Variants in FAT3 observed in about 807,000 individuals in gnomAD.
The protein encoded by FAT3 is FAT atypical cadherin 3.
Under a neutral mutation model 310.2 loss-of-function variants are expected in FAT3, and 95 were observed. That is an observed-to-expected ratio of 0.31 (90% CI 0.26 to 0.36). The LOEUF (loss-of-function observed/expected upper bound fraction) is 0.36, where lower values mean the gene tolerates loss of function less well. FAT3 is among the 10% of genes least tolerant of loss of function. FAT3 has a pLI of 1.00. For missense variants in FAT3, 5,408 were observed against 5,715.6 expected (o/e 0.95, Z 1.74); for synonymous variants, 2,314 against 2,192.9 (o/e 1.06, Z -1.54).
chr11:92,704,344 T>C, intron 4 of FAT3, among the ~76,000 whole-genome samples: 1 of 152,192 alleles, frequency 6.6e-6, no homozygotes, highest in East Asian at 1.9e-4. Context: ...TCTGAGAGGA[T>C]GCTGTGTCCA....
intron 3 of FAT3, among the ~76,000 whole-genome samples, chr11:92,682,579 A>C (rs899210293): frequency 2.0e-5 from 3 of 152,232 alleles, no homozygotes; most frequent in African/African-American, 7.2e-5. Context: ...TTGGGAAGTT[A>C]ATCACAAATA....
chr11:92,493,772 C>T (rs373244043), intron 2 of FAT3, among the ~76,000 whole-genome samples: 12 of 152,008 alleles, frequency 7.9e-5, no homozygotes, highest in Non-Finnish European at 1.3e-4. Context: ...GACTAACAGA[C>T]GTGCTGAAGG....
At chr11:92,674,295 G>A (rs1424680317) in intron 3 of FAT3, among the ~76,000 whole-genome samples, 2 of 151,450 alleles carry the variant, frequency 1.3e-5, no homozygotes, top group African/African-American at 4.8e-5. Context: ...ATGGACCACT[G>A]TGATATTGGT....
chr11:92,337,870 G>A (rs1344586384), intron 1 of FAT3, among the ~76,000 whole-genome samples: 1 of 152,154 alleles, frequency 6.6e-6, no homozygotes, highest in Non-Finnish European at 1.5e-5. Context: ...GCCAAATCAT[G>A]GGCATTGAAA....
At chr11:92,336,111 C>T (rs1345899103) in intron 1 of FAT3, 10 of 522,676 alleles carry the variant, frequency 1.9e-5, no homozygotes, top group Middle Eastern at 3.2e-4. Flanking sequence ...TTTGGCCTCT[C>T]GGTATTTCAC....
At chr11:92,430,600 G>A (rs1419697699) in intron 2 of FAT3, among the ~76,000 whole-genome samples, 1 of 151,884 alleles carries the variant, frequency 6.6e-6, no homozygotes, top group South Asian at 2.1e-4. Context: ...ATGTTGGTGT[G>A]CTGCACCCAT....
At chr11:92,368,360 C>T (rs965710443) in intron 2 of FAT3, among the ~76,000 whole-genome samples, 3 of 152,026 alleles carry the variant, frequency 2.0e-5, no homozygotes, top group Non-Finnish European at 4.4e-5. Context: ...TATCAAGTTT[C>T]TTTTTCATAT....
intron 2 of FAT3, among the ~76,000 whole-genome samples, chr11:92,511,660 C>T (rs1953295015): frequency 6.6e-6 from 1 of 152,080 alleles, no homozygotes; most frequent in Non-Finnish European, 1.5e-5. Context: ...GGATGGCTGG[C>T]TGGGTGACAG....
At chr11:92,367,254 G>A in intron 2 of FAT3, 1 of 263,866 alleles carries the variant, frequency 3.8e-6, no homozygotes, top group Non-Finnish European at 7.6e-6. Context: ...CAGCCATGGT[G>A]GCTGTCTGGG....
intron 6 of FAT3, among the ~76,000 whole-genome samples, chr11:92,772,262 C>A (rs1253009085): frequency 6.6e-6 from 1 of 152,160 alleles, no homozygotes; most frequent in Non-Finnish European, 1.5e-5. Flanking sequence ...TCTCATCTTT[C>A]CTTCCATACA....
intron 4 of FAT3, among the ~76,000 whole-genome samples, chr11:92,705,385 G>GTGGTGGTGGTGA (rs1944248119): frequency 8.1e-6 from 1 of 123,754 alleles, no homozygotes; most frequent in South Asian, 3.1e-4. Context: ...GGTGTTGGTG[G>GTGGTGGTGGTGA]TGGTGGTGGT....
At chr11:92,864,343 G>A (rs190992949) in intron 21 of FAT3, among the ~76,000 whole-genome samples, 21 of 152,232 alleles carry the variant, frequency 1.4e-4, no homozygotes, top group African/African-American at 4.8e-4. Flanking sequence ...AAAAACAGCA[G>A]GTGGACTGTG....
At chr11:92,845,504 G>A (rs1948662808) in intron 19 of FAT3, among the ~76,000 whole-genome samples, 1 of 152,212 alleles carries the variant, frequency 6.6e-6, no homozygotes, top group Non-Finnish European at 1.5e-5. Flanking sequence ...AGAGTGGCAG[G>A]GAAGGAATGG....
chr11:92,255,315 T>G (rs1865273332), intron 1 of FAT3, among the ~76,000 whole-genome samples: 1 of 149,950 alleles, frequency 6.7e-6, no homozygotes, highest in African/African-American at 2.4e-5. Context: ...ATTAATTAGA[T>G]AATTTTTTAT....
intron 3 of FAT3, among the ~76,000 whole-genome samples, chr11:92,563,280 C>A (rs1006044426): frequency 5.9e-5 from 9 of 152,146 alleles, no homozygotes; most frequent in Middle Eastern, 3.4e-3. Context: ...TAAGCAACAG[C>A]AAATATGTGA....
intron 4 of FAT3, among the ~76,000 whole-genome samples, chr11:92,727,726 T>C (rs1353880025): frequency 1.3e-5 from 2 of 152,144 alleles, no homozygotes; most frequent in African/African-American, 4.8e-5. Context: ...GGGTCCTTTA[T>C]GTTTTCCTCA....
At position 92,229,492 on chromosome 11, in the gene FAT3, G is replaced by GTTTTTTTTT. The variant is rs780129800; in HGVS notation, c.-18+4324_-18+4332dup. Among the ~76,000 whole-genome samples the GTTTTTTTTT allele has an allele frequency of 1.1e-3, 64 of 60,228 alleles. 2 individuals carry two copies. Among genetic ancestry groups the GTTTTTTTTT allele is most frequent in the African/African-American group, 2.9e-3 (49 of 16,856 alleles). The allele number at this position is 60,228 out of a possible 152,430, so 39.5% of individuals were successfully genotyped here. Reference sequence around the variant, plus strand: ...TTGTTTTCTTTTTTTGTTTTTTCGTGTTTTTTTTTTTTTTGTTTTTTGTTT... The same window carrying GTTTTTTTTT: ...TTGTTTTCTTTTTTTGTTTTTTCGTGTTTTTTTTTTTTTTTTTTTTTTTGTTTTTTGTTT... On this transcript the variant is annotated intron_variant, in intron 1 of 27. Transcript: ENST00000525166.
At chr11:92,762,357 C>T (rs560135238) in intron 5 of FAT3, among the ~76,000 whole-genome samples, 187 bp downstream of exon 5, 11 of 152,234 alleles carry the variant, frequency 7.2e-5, no homozygotes, top group South Asian at 6.2e-4. Flanking sequence ...TCTTAAATGA[C>T]GAGACAATTT....
intron 4 of FAT3, among the ~76,000 whole-genome samples, chr11:92,735,308 T>C (rs1945309125): frequency 6.6e-6 from 1 of 152,182 alleles, no homozygotes; most frequent in Non-Finnish European, 1.5e-5. Context: ...AGAATAATCA[T>C]GGCAGTTCAC....
Sources: gnomAD v4.1 joint callset for allele counts (sites outside exome capture counted in the v4.1 genomes callset) on GRCh38, gnomAD v4.1.1 for gene constraint, MANE v1.5 for transcripts, NCBI Gene and HGNC (gene_info 2026-07-23, HGNC 2026-07-21) for gene names.